RAP2B: variants seen among roughly 807,000 people sequenced by gnomAD.
RAP2B encodes RAP2B, member of RAS oncogene family.
In RAP2B, 6 loss-of-function variants were observed where a neutral mutation model predicts 14.4. The ratio of observed to expected loss-of-function variants is 0.42; its 90% confidence interval spans 0.23 to 0.82. RAP2B has a LOEUF of 0.82. Among genes scored for constraint, RAP2B ranks in the 40% least tolerant of loss-of-function variants. RAP2B has a pLI of 0.30. For missense variants in RAP2B, 137 were observed against 248.2 expected (o/e 0.55, Z 3.01); for synonymous variants, 118 against 113.2 (o/e 1.04, Z -0.27).
rs1713507666 is a variant in RAP2B, at chr3:153,164,290, G to T, written c.*1045G>T. ...CCCAGCACCCCTGTGTCTGCAGAGTGCCTTCAAAACTCAGCTGTTCCAGCC... is the reference window on the plus strand; with the variant it reads ...CCCAGCACCCCTGTGTCTGCAGAGTTCCTTCAAAACTCAGCTGTTCCAGCC... On this transcript the variant is annotated 3_prime_UTR_variant, in exon 1 of 1. Transcript: ENST00000323534. 1 of 167,006 alleles carries T rather than the reference G, an allele frequency of 6.0e-6. No homozygotes were observed. The highest frequency in any genetic ancestry group is 1.5e-5 in the Non-Finnish European group (1 of 68,114). The allele number at this position is 167,006 out of a possible 1,614,324, so 10.3% of individuals were successfully genotyped here. A position where few individuals can be genotyped will look rare whatever the true frequency, so the allele number is the denominator to read the frequency against.
Position 153,164,088 on chromosome 3 carries a change from A to G in RAP2B, c.*843A>G, listed in dbSNP as rs1216542290. ...ATTTTTTTTTTTTATCAGCTGTGAA[A>G]AAAATGTTACAGATCTGCACATTTT... On this transcript the variant is annotated 3_prime_UTR_variant, in exon 1 of 1. Transcript: ENST00000323534. The G allele has an allele frequency of 6.0e-6, 1 of 166,778 alleles. No individual in the cohort carries two copies. Among genetic ancestry groups the G allele is most frequent in the South Asian group, 2.1e-4 (1 of 4,822 alleles). 10.3% of individuals were successfully genotyped at this position (166,778 alleles called of 1,614,324 possible). A position where few individuals can be genotyped will look rare whatever the true frequency, so the allele number is the denominator to read the frequency against.
chr3:153,163,290 C>A lies in RAP2B; in HGVS notation c.*45C>A. 6.7e-7 allele frequency: 1 copy of A among 1,488,436 alleles called. No individual in the cohort carries two copies. 92.2% of individuals were successfully genotyped at this position (1,488,436 alleles called of 1,614,324 possible). On this transcript the variant is annotated 3_prime_UTR_variant, in exon 1 of 1. Coordinates refer to ENST00000323534, the MANE Select transcript of RAP2B (RefSeq NM_002886.4). ...CCGCGCTCTGCGCACAAAAGCCAAA[C>A]GCATCCGACTCTCTAAATGTGATTT... is the stretch of plus-strand genomic sequence containing the variant.
Position 153,163,159 on chromosome 3 carries a change from C to G in RAP2B, c.466C>G (p.Leu156Val), listed in dbSNP as rs745877514. The G allele has an allele frequency of 1.2e-6, 2 of 1,610,638 alleles. No homozygotes were observed. The highest frequency in any genetic ancestry group is 1.7e-6 in the Non-Finnish European group (2 of 1,178,920). The change falls in exon 1 of 1, where the codon CTA becomes GTA. Residue 156 changes from leucine (L) to valine (V), a missense_variant. Around this residue, in one of 2 missense-constraint regions of RAP2B, gnomAD observed 106 missense variants for 143.5 expected, o/e 0.74. Transcript: ENST00000323534. ...SAKNKASVDE[L>V]FAEIVRQMNY... ...CAAAAACAAAGCCTCGGTAGACGAG[C>G]TATTTGCCGAGATCGTGCGGCAGAT...
rs1423375772 is a variant in RAP2B at position 153,167,359 on chromosome 3, C to A, written c.*4114C>A. The A allele has an allele frequency of 1.2e-5, 2 of 166,928 alleles. No individual in the cohort carries two copies. The highest frequency in any genetic ancestry group is 2.9e-5 in the Non-Finnish European group (2 of 68,092). The allele number at this position is 166,928 out of a possible 1,614,324, so 10.3% of individuals were successfully genotyped here. ...CAAACTTGACCATATATCAAAATCA[C>A]CTGGAGCTTAAAACATGTACTGCTG... On this transcript the variant is annotated 3_prime_UTR_variant, in exon 1 of 1. Transcript: ENST00000323534.
rs952391431 is a variant in RAP2B, at chr3:153,162,488, A to G, written c.-206A>G. On this transcript the variant is annotated 5_prime_UTR_variant, in exon 1 of 1. Transcript: ENST00000323534. This position sits in a 1 kb window ranked among gnomAD's most constrained non-coding sequence, Gnocchi z 4.9. ...GCTGCGGGGCCCGGACCCGCACCCC[A>G]GGGATACGCTGCCGCCGCCGCCGGC... 2.5e-4 allele frequency: 121 copies of G among 488,374 alleles called. No homozygotes were observed. The highest frequency in any genetic ancestry group is 3.7e-4 in the Non-Finnish European group (108 of 290,154). 30.3% of individuals were successfully genotyped at this position (488,374 alleles called of 1,614,324 possible).
chr3:153,162,651 C>T lies in RAP2B; in HGVS notation c.-43C>T. The T allele has an allele frequency of 1.3e-6, 2 of 1,553,504 alleles. No individual in the cohort carries two copies. Among genetic ancestry groups the T allele is most frequent in the Non-Finnish European group, 8.7e-7 (1 of 1,152,462 alleles). On this transcript the variant is annotated 5_prime_UTR_variant, in exon 1 of 1. Coordinates refer to ENST00000323534, the MANE Select transcript of RAP2B (RefSeq NM_002886.4). The surrounding 1 kb of genome is among the most constrained non-coding windows in gnomAD (Gnocchi z 4.9). ...GCCCAGCCTTCCCCGGCGCGCAGCC[C>T]CGACGGGGCCGCGGCAGGCGCGGCG...
chr3:153,162,573 T>A lies in RAP2B; in HGVS notation c.-121T>A, dbSNP rs1713435519. On this transcript the variant is annotated 5_prime_UTR_variant, in exon 1 of 1. Coordinates refer to ENST00000323534, the MANE Select transcript of RAP2B (RefSeq NM_002886.4). This position sits in a 1 kb window ranked among gnomAD's most constrained non-coding sequence, Gnocchi z 4.9. Reference sequence around the variant, plus strand: ...GCCCTGCGTTCTCTGGGTTGCTCTCTCCTGGGTTTTTCCTGCGTAGCTGAG... The same window carrying A: ...GCCCTGCGTTCTCTGGGTTGCTCTCACCTGGGTTTTTCCTGCGTAGCTGAG... 1.6e-6 allele frequency: 2 copies of A among 1,241,540 alleles called. No homozygotes were observed. The highest frequency in any genetic ancestry group is 3.1e-5 in the African/African-American group (2 of 65,498). 76.9% of individuals were successfully genotyped at this position (1,241,540 alleles called of 1,614,324 possible). A position where few individuals can be genotyped will look rare whatever the true frequency, so the allele number is the denominator to read the frequency against.
chr3:153,162,562 G>A lies in RAP2B; in HGVS notation c.-132G>A, dbSNP rs1250040396. The stretch of plus-strand genomic sequence containing the variant: ...CGGTGGTTTCCGCCCTGCGTTCTCT[G>A]GGTTGCTCTCTCCTGGGTTTTTCCT... On this transcript the variant is annotated 5_prime_UTR_variant, in exon 1 of 1. Transcript: ENST00000323534. The surrounding 1 kb of genome is among the most constrained non-coding windows in gnomAD (Gnocchi z 4.9). The A allele has an allele frequency of 1.8e-6, 2 of 1,134,136 alleles. No individual in the cohort carries two copies. Among genetic ancestry groups the A allele is most frequent in the East Asian group, 2.6e-5 (1 of 37,940 alleles). The allele number at this position is 1,134,136 out of a possible 1,614,324, so 70.3% of individuals were successfully genotyped here. A position where few individuals can be genotyped will look rare whatever the true frequency, so the allele number is the denominator to read the frequency against.
At position 153,163,260 on chromosome 3, in the gene RAP2B, G is replaced by C. The variant is rs367574154; in HGVS notation, c.*15G>C. The C allele has an allele frequency of 2.6e-6, 4 of 1,513,566 alleles. No homozygotes were observed. Among genetic ancestry groups the C allele is most frequent in the Non-Finnish European group, 3.5e-6 (4 of 1,134,592 alleles). The allele number at this position is 1,513,566 out of a possible 1,614,324, so 93.8% of individuals were successfully genotyped here. A position where few individuals can be genotyped will look rare whatever the true frequency, so the allele number is the denominator to read the frequency against. On this transcript the variant is annotated 3_prime_UTR_variant, in exon 1 of 1. Coordinates refer to ENST00000323534, the MANE Select transcript of RAP2B (RefSeq NM_002886.4). ...TGATCCTCTGAGGCGGCCACCGCGC[G>C]CCGGCCGCGCTCTGCGCACAAAAGC...
chr3:153,163,369 G>C lies in RAP2B; in HGVS notation c.*124G>C. 1 of 1,356,092 alleles carries C rather than the reference G, an allele frequency of 7.4e-7. No homozygotes were observed. The highest frequency in any genetic ancestry group is 9.8e-7 in the Non-Finnish European group (1 of 1,015,738). The allele number at this position is 1,356,092 out of a possible 1,614,324, so 84.0% of individuals were successfully genotyped here. A position where few individuals can be genotyped will look rare whatever the true frequency, so the allele number is the denominator to read the frequency against. On this transcript the variant is annotated 3_prime_UTR_variant, in exon 1 of 1. Coordinates refer to ENST00000323534, the MANE Select transcript of RAP2B (RefSeq NM_002886.4). ...TTGCATTGGCCAGGGTGTCTTGGGA[G>C]CCCGGCTGGCCTCCGCGGCCGGCGT...
Position 153,167,159 on chromosome 3 carries a change from T to A in RAP2B, c.*3914T>A, listed in dbSNP as rs1713603544. The A allele has an allele frequency of 6.0e-6, 1 of 167,050 alleles. No individual in the cohort carries two copies. Among genetic ancestry groups the A allele is most frequent in the Middle Eastern group, 3.1e-3 (1 of 318 alleles). 10.3% of individuals were successfully genotyped at this position (167,050 alleles called of 1,614,324 possible). A position where few individuals can be genotyped will look rare whatever the true frequency, so the allele number is the denominator to read the frequency against. On this transcript the variant is annotated 3_prime_UTR_variant, in exon 1 of 1. Coordinates refer to ENST00000323534, the MANE Select transcript of RAP2B (RefSeq NM_002886.4). The stretch of plus-strand genomic sequence containing the variant: ...TTGTCTGTGAAAATATAGTAAATTT[T>A]AAAATACTAATATAATGTGGTATTC...
Position 153,162,624 on chromosome 3 carries a change from A to G in RAP2B, c.-70A>G. Reference sequence around the variant, plus strand: ...GAAGGGGAAGAGAAGTCCAGCCGCCAAGCCCAGCCTTCCCCGGCGCGCAGC... The same window carrying G: ...GAAGGGGAAGAGAAGTCCAGCCGCCGAGCCCAGCCTTCCCCGGCGCGCAGC... On this transcript the variant is annotated 5_prime_UTR_variant, in exon 1 of 1. Transcript: ENST00000323534. The surrounding 1 kb of genome is among the most constrained non-coding windows in gnomAD (Gnocchi z 4.9). 6.7e-7 allele frequency: 1 copy of G among 1,486,234 alleles called. No individual in the cohort carries two copies. The allele number at this position is 1,486,234 out of a possible 1,614,324, so 92.1% of individuals were successfully genotyped here. A position where few individuals can be genotyped will look rare whatever the true frequency, so the allele number is the denominator to read the frequency against.
Position 153,166,905 on chromosome 3 carries a change from A to G in RAP2B, c.*3660A>G, listed in dbSNP as rs535978911. 6.0e-6 allele frequency: 1 copy of G among 167,078 alleles called. No individual in the cohort carries two copies. The highest frequency in any genetic ancestry group is 6.5e-5 in the Admixed American group (1 of 15,296). 10.3% of individuals were successfully genotyped at this position (167,078 alleles called of 1,614,324 possible). ...TTTGGGTCATATTCTAGTATTTCTC[A>G]CAGGGGGTATGAGAAACAGAAAGCT... is the stretch of plus-strand genomic sequence containing the variant. On this transcript the variant is annotated 3_prime_UTR_variant, in exon 1 of 1. Transcript: ENST00000323534.
rs1222818351 is a variant in RAP2B at position 153,163,167 on chromosome 3, C to T, written c.474C>T (p.Ala158=). Residue 158 remains alanine (A), a synonymous_variant, in exon 1 of 1, where the codon GCC becomes GCT. Coordinates refer to ENST00000323534, the MANE Select transcript of RAP2B (RefSeq NM_002886.4). ...AAGCCTCGGTAGACGAGCTATTTGC[C>T]GAGATCGTGCGGCAGATGAACTACG... The part of the protein sequence containing the change: ...KNKASVDELF[A]EIVRQMNYAA... The T allele has an allele frequency of 6.2e-7, 1 of 1,607,988 alleles. No individual in the cohort carries two copies. Among genetic ancestry groups the T allele is most frequent in the Non-Finnish European group, 8.5e-7 (1 of 1,177,722 alleles).
At position 153,165,785 on chromosome 3, in the gene RAP2B, A is replaced by T. The variant is rs1328946349; in HGVS notation, c.*2540A>T. The T allele has an allele frequency of 1.2e-5, 2 of 167,052 alleles. No homozygotes were observed. Among genetic ancestry groups the T allele is most frequent in the African/African-American group, 4.8e-5 (2 of 41,454 alleles). The allele number at this position is 167,052 out of a possible 1,614,324, so 10.3% of individuals were successfully genotyped here. ...ATATCCTAAATGTAGAAATTAAAAG[A>T]TACTGTATAATTTTATGCCTTTGCA... On this transcript the variant is annotated 3_prime_UTR_variant, in exon 1 of 1. Coordinates refer to ENST00000323534, the MANE Select transcript of RAP2B (RefSeq NM_002886.4).
At position 153,162,756 on chromosome 3, in the gene RAP2B, G is replaced by A. The variant is rs774432964; in HGVS notation, c.63G>A (p.Val21=). ...SGGVGKSALT[V]QFVTGSFIEK... ...GCGTGGGCAAGTCCGCGCTCACCGT[G>A]CAGTTCGTGACGGGCTCCTTCATCG... Residue 21 remains valine (V), a synonymous_variant, in exon 1 of 1, where the codon GTG becomes GTA. Coordinates refer to ENST00000323534, the MANE Select transcript of RAP2B (RefSeq NM_002886.4). This position sits in a 1 kb window ranked among gnomAD's most constrained non-coding sequence, Gnocchi z 4.9. The A allele has an allele frequency of 6.2e-7, 1 of 1,614,056 alleles. No individual in the cohort carries two copies. The highest frequency in any genetic ancestry group is 8.5e-7 in the Non-Finnish European group (1 of 1,180,028).
Position 153,162,484 on chromosome 3 carries a change from C to T in RAP2B, c.-210C>T. 1 of 501,840 alleles carries T rather than the reference C, an allele frequency of 2.0e-6. No individual in the cohort carries two copies. The highest frequency in any genetic ancestry group is 3.3e-6 in the Non-Finnish European group (1 of 298,624). 31.1% of individuals were successfully genotyped at this position (501,840 alleles called of 1,614,324 possible). On this transcript the variant is annotated 5_prime_UTR_variant, in exon 1 of 1. Transcript: ENST00000323534. This position sits in a 1 kb window ranked among gnomAD's most constrained non-coding sequence, Gnocchi z 4.9. The stretch of plus-strand genomic sequence containing the variant: ...GACTGCTGCGGGGCCCGGACCCGCA[C>T]CCCAGGGATACGCTGCCGCCGCCGC...
rs1327119297 is a variant in RAP2B, at chr3:153,164,575, C to T, written c.*1330C>T. On this transcript the variant is annotated 3_prime_UTR_variant, in exon 1 of 1. Coordinates refer to ENST00000323534, the MANE Select transcript of RAP2B (RefSeq NM_002886.4). Reference sequence around the variant, plus strand: ...TATTATTTTTAAATTTTTTAATTACCTGTTGTAGGGTGTTCCTCCAGAAGC... The same window carrying T: ...TATTATTTTTAAATTTTTTAATTACTTGTTGTAGGGTGTTCCTCCAGAAGC... 1 of 166,356 alleles carries T rather than the reference C, an allele frequency of 6.0e-6. No individual in the cohort carries two copies. Among genetic ancestry groups the T allele is most frequent in the Admixed American group, 6.6e-5 (1 of 15,220 alleles). 10.3% of individuals were successfully genotyped at this position (166,356 alleles called of 1,614,324 possible). A position where few individuals can be genotyped will look rare whatever the true frequency, so the allele number is the denominator to read the frequency against.
Position 153,162,975 on chromosome 3 carries a change from G to C in RAP2B, c.282G>C (p.Lys94Asn). The C allele has an allele frequency of 6.2e-7, 1 of 1,614,164 alleles. No individual in the cohort carries two copies. Among genetic ancestry groups the C allele is most frequent in the South Asian group, 1.1e-5 (1 of 91,082 alleles). ...LVNQQSFQDI[K>N]PMRDQIIRVK... ...ACCAGCAGAGCTTCCAGGACATCAAGCCCATGCGGGACCAGATCATCCGCG... is the reference window on the plus strand; with the variant it reads ...ACCAGCAGAGCTTCCAGGACATCAACCCCATGCGGGACCAGATCATCCGCG... The change falls in exon 1 of 1, where the codon AAG (lysine) becomes AAC (asparagine). Residue 94 changes from lysine (K) to asparagine (N), a missense_variant. Coordinates refer to ENST00000323534, the MANE Select transcript of RAP2B (RefSeq NM_002886.4). The surrounding 1 kb of genome is among the most constrained non-coding windows in gnomAD (Gnocchi z 4.9).
Sources: allele counts gnomAD v4.1 joint callset, GRCh38; gene constraint gnomAD v4.1.1; regional missense constraint gnomAD v4.1.1; non-coding constraint Gnocchi (gnomAD v3.1); transcripts MANE v1.5; gene names NCBI Gene and HGNC (gene_info 2026-07-23, HGNC 2026-07-21).